FARS2: variants seen among roughly 807,000 people sequenced by gnomAD.
FARS2 encodes the protein phenylalanyl-tRNA synthetase 2, mitochondrial.
FARS2 carries 40 observed loss-of-function variants against 46.4 expected under a neutral mutation model. The ratio of observed to expected loss-of-function variants is 0.86; its 90% CI spans 0.67 to 1.12. FARS2 has a LOEUF of 1.12. Among genes scored for constraint, FARS2 ranks in the 50% most tolerant of loss-of-function variants. The probability of loss-of-function intolerance (pLI) is 0.00; values close to 1 mark genes in which losing one functional copy is unlikely to be tolerated. For synonymous variants in FARS2, 234 were observed against 214.9 expected (o/e 1.09, Z -0.78); for missense variants, 513 against 567.9 (o/e 0.90, Z 0.98).
At chr6:5,546,344 G>T (rs2150503934) in intron 5 of FARS2, among the ~76,000 whole-genome samples, 1 of 151,070 alleles carries the variant, frequency 6.6e-6, no homozygotes, top group South Asian at 2.1e-4. Context: ...TGCGCCTCCT[G>T]GGTTCAAGCA....
chr6:5,438,977 A>C (rs913211499), intron 4 of FARS2, among the ~76,000 whole-genome samples: 1 of 152,120 alleles, frequency 6.6e-6, no homozygotes, highest in African/African-American at 2.4e-5. Flanking sequence ...TGTATATTGC[A>C]CTTTCTGAAT....
rs188327532 is a variant in FARS2, at chr6:5,461,832, G to A, written c.904+30660G>A. Among the ~76,000 whole-genome samples, 26 of 152,226 alleles carry A rather than the reference G, an allele frequency of 1.7e-4. No homozygotes were observed. In the East Asian group the frequency reaches 2.3e-3, roughly 14 times the overall value. Reference sequence around the variant, plus strand: ...TTTATCTATTTACCAGTCAGTGGGCGTTTAGATCCTTTACAGTTTTTGTCT... The same window carrying A: ...TTTATCTATTTACCAGTCAGTGGGCATTTAGATCCTTTACAGTTTTTGTCT... On this transcript the variant is annotated intron_variant, in intron 4 of 6. Transcript: ENST00000274680.
chr6:5,342,381 T>C (rs1384205139), intron 1 of FARS2, among the ~76,000 whole-genome samples: 1 of 152,108 alleles, frequency 6.6e-6, no homozygotes, highest in Non-Finnish European at 1.5e-5. Flanking sequence ...TGAACAGAAA[T>C]GGTAAAATGT....
chr6:5,552,145 A>G (rs1429131357), intron 5 of FARS2, among the ~76,000 whole-genome samples: 1 of 152,174 alleles, frequency 6.6e-6, no homozygotes, highest in Admixed American at 6.5e-5. Context: ...AAAAATAAGG[A>G]TAGTATTAAA....
chr6:5,350,148 G>A lies in FARS2; in HGVS notation c.-21-18402G>A, dbSNP rs143196657. On this transcript the variant is annotated intron_variant, in intron 1 of 6. Coordinates refer to ENST00000274680, the MANE Select transcript of FARS2 (RefSeq NM_006567.5). ...TCTTTCTTGCCTGGGACTACATGGT[G>A]TGCACCACCATGCCTGGCAAATTTT... is the stretch of plus-strand genomic sequence containing the variant. Among the ~76,000 whole-genome samples, 173 of 149,672 alleles carry A rather than the reference G, an allele frequency of 1.2e-3. 3 individuals are homozygous for A. In the East Asian group the frequency reaches 0.033, roughly 29 times the overall value.
intron 1 of FARS2, among the ~76,000 whole-genome samples, chr6:5,305,135 G>A (rs1768605493): frequency 6.6e-6 from 1 of 152,200 alleles, no homozygotes; most frequent in Non-Finnish European, 1.5e-5. Flanking sequence ...GTCACACCTA[G>A]GCTCAGTGGG....
At chr6:5,700,515 A>G (rs950199381) in intron 6 of FARS2, among the ~76,000 whole-genome samples, 12 of 151,756 alleles carry the variant, frequency 7.9e-5, no homozygotes, top group African/African-American at 1.9e-4. Context: ...CTCCTGCCTC[A>G]GCCTCCCAAG....
chr6:5,575,864 A>G (rs1455935493), intron 5 of FARS2, among the ~76,000 whole-genome samples: 1 of 152,090 alleles, frequency 6.6e-6, no homozygotes, highest in Non-Finnish European at 1.5e-5. Flanking sequence ...TTTTGGCTTC[A>G]TCTTGTGCAT....
At chr6:5,664,464 T>C (rs978450167) in intron 6 of FARS2, among the ~76,000 whole-genome samples, 2 of 152,200 alleles carry the variant, frequency 1.3e-5, no homozygotes, top group Non-Finnish European at 2.9e-5. Context: ...CTTGCACCAA[T>C]GATTTCACAG....
chr6:5,445,244 A>G (rs773567651), intron 4 of FARS2, among the ~76,000 whole-genome samples: 5 of 152,070 alleles, frequency 3.3e-5, no homozygotes, highest in Non-Finnish European at 5.9e-5. Flanking sequence ...TATTTAAACT[A>G]TTTATGAAAC....
chr6:5,335,083 A>G (rs1303663785), intron 1 of FARS2, among the ~76,000 whole-genome samples: 5 of 152,208 alleles, frequency 3.3e-5, no homozygotes, highest in Admixed American at 1.3e-4. Context: ...GTGTGTCACC[A>G]TCTCTTGACA....
chr6:5,425,254 G>A (rs901330119), intron 3 of FARS2, among the ~76,000 whole-genome samples: 5 of 152,160 alleles, frequency 3.3e-5, no homozygotes, highest in Admixed American at 6.5e-5. Flanking sequence ...TTGGGCCACT[G>A]ATCTTTCAAA....
intron 3 of FARS2, among the ~76,000 whole-genome samples, chr6:5,421,346 T>C (rs762574037): frequency 6.6e-6 from 1 of 152,232 alleles, no homozygotes; most frequent in African/African-American, 2.4e-5. Context: ...TTTTTCCTTG[T>C]AGGCCTCCAG....
At chr6:5,660,869 C>G (rs1777821779) in intron 6 of FARS2, among the ~76,000 whole-genome samples, 1 of 152,210 alleles carries the variant, frequency 6.6e-6, no homozygotes, top group Admixed American at 6.5e-5. Context: ...CCAGACCACA[C>G]TGGGCCTCTT....
intron 2 of FARS2, among the ~76,000 whole-genome samples, chr6:5,375,874 T>C (rs936802066): frequency 2.0e-5 from 3 of 152,122 alleles, no homozygotes; most frequent in Non-Finnish European, 4.4e-5. Context: ...GAAGAAAATA[T>C]AGGAGATTGT....
chr6:5,572,921 G>A (rs976817732), intron 5 of FARS2, among the ~76,000 whole-genome samples: 3 of 152,138 alleles, frequency 2.0e-5, no homozygotes, highest in Middle Eastern at 3.2e-3. Flanking sequence ...TCATGGTACT[G>A]TCTCATGTTA....
At chr6:5,585,911 T>A (rs1253741014) in intron 5 of FARS2, among the ~76,000 whole-genome samples, 3 of 152,190 alleles carry the variant, frequency 2.0e-5, no homozygotes, top group Non-Finnish European at 4.4e-5. Context: ...TTCATTTTCT[T>A]TGAATATATG....
At chr6:5,578,971 G>A (rs1219764277) in intron 5 of FARS2, among the ~76,000 whole-genome samples, 5 of 152,148 alleles carry the variant, frequency 3.3e-5, no homozygotes, top group Admixed American at 1.3e-4. Flanking sequence ...TAATGCTTAC[G>A]TGGAGGATAA....
chr6:5,486,506 A>G (rs1465254469), intron 4 of FARS2, among the ~76,000 whole-genome samples: 1 of 152,244 alleles, frequency 6.6e-6, no homozygotes, highest in Non-Finnish European at 1.5e-5. Flanking sequence ...GATAAAAGTT[A>G]TCTCACAGGG....
Sources: allele counts gnomAD v4.1 joint callset (sites outside exome capture counted in the v4.1 genomes callset), GRCh38; gene constraint gnomAD v4.1.1; transcripts MANE v1.5; gene names NCBI Gene and HGNC (gene_info 2026-07-23, HGNC 2026-07-21).